KLHL13: variants seen among roughly 807,000 people sequenced by gnomAD.
KLHL13 encodes the protein kelch-like protein 13.
A neutral mutation model predicts 37.1 loss-of-function variants in KLHL13; 10 were observed. The observed-to-expected ratio is 0.27, with a 90% CI of 0.17 to 0.46. The LOEUF (loss-of-function observed/expected upper bound fraction) is 0.46. Among genes scored for constraint, KLHL13 ranks in the 20% least tolerant of loss-of-function variants. The pLI is 1.00. For missense variants in KLHL13, 360 were observed against 509.3 expected, an observed-to-expected ratio of 0.71 and a Z score of 2.82; for synonymous variants, 163 against 181.2, an observed-to-expected ratio of 0.90 and a Z score of 0.81.
chrX:118,110,318 C>A (rs1307007087), intron 1 of KLHL13, among the ~76,000 whole-genome samples: 3 of 109,290 alleles, frequency 2.7e-5, no homozygotes, highest in African/African-American at 1.0e-4. Context: ...TAAGGAAGGT[C>A]AGGAATCATG....
chrX:118,005,761 C>G (rs781394415), intron 1 of KLHL13, among the ~76,000 whole-genome samples: 1 of 111,860 alleles, frequency 8.9e-6, no homozygotes, highest in Non-Finnish European at 1.9e-5. Flanking sequence ...TAATTTTAGG[C>G]CAATGACCGG....
At chrX:117,993,802 T>C (rs1474092366) in intron 1 of KLHL13, among the ~76,000 whole-genome samples, 1 of 108,360 alleles carries the variant, frequency 9.2e-6, no homozygotes, top group Non-Finnish European at 1.9e-5. Context: ...AATGGCATGA[T>C]CTCGGCTCAC....
chrX:117,913,136 T>C (rs1186295205), intron 4 of KLHL13, among the ~76,000 whole-genome samples: 3 of 111,689 alleles, frequency 2.7e-5, no homozygotes, highest in Non-Finnish European at 5.7e-5. Context: ...GATGGAATTA[T>C]AGTAAACAAT....
intron 2 of KLHL13, among the ~76,000 whole-genome samples, chrX:117,925,349 G>A (rs1313070721): frequency 1.8e-5 from 2 of 111,476 alleles, no homozygotes; most frequent in Admixed American, 9.5e-5. Flanking sequence ...GAGAAAAAAC[G>A]AAACACATCC....
chrX:117,907,764 T>C (rs1345579417), intron 5 of KLHL13, among the ~76,000 whole-genome samples: 1 of 110,241 alleles, frequency 9.1e-6, no homozygotes, highest in African/African-American at 3.3e-5. Context: ...CTAGAAAATC[T>C]GGTCTTAGAA....
intron 1 of KLHL13, among the ~76,000 whole-genome samples, chrX:117,960,759 C>T (rs2053282305): frequency 1.8e-5 from 2 of 111,686 alleles, no homozygotes. Context: ...AATGTAGAGT[C>T]CTTTGAAATT....
At chrX:118,024,603 T>C (rs1336945518) in intron 1 of KLHL13, among the ~76,000 whole-genome samples, 4 of 111,635 alleles carry the variant, frequency 3.6e-5, no homozygotes, top group Non-Finnish European at 7.5e-5. Flanking sequence ...TTCTAAAATA[T>C]ATCCAAATAG....
chrX:117,957,354 T>C (rs1367780573), intron 1 of KLHL13, among the ~76,000 whole-genome samples: 1 of 112,150 alleles, frequency 8.9e-6, no homozygotes, highest in African/African-American at 3.2e-5. Context: ...TCCTACACTC[T>C]TGAAGTCAAG....
intron 1 of KLHL13, among the ~76,000 whole-genome samples, chrX:118,060,420 C>G (rs2054729011): frequency 9.0e-6 from 1 of 111,277 alleles, no homozygotes; most frequent in Non-Finnish European, 1.9e-5. Context: ...CTGAAATCCC[C>G]ACAATAAATG....
intron 1 of KLHL13, among the ~76,000 whole-genome samples, chrX:118,104,681 T>C (rs1452984298): frequency 8.9e-6 from 1 of 111,880 alleles, no homozygotes; most frequent in African/African-American, 3.2e-5. Context: ...AGGTCTGTGT[T>C]AGACTGAGCA....
At chrX:117,902,467 A>G (rs1207093209) in intron 5 of KLHL13, among the ~76,000 whole-genome samples, 1 of 111,823 alleles carries the variant, frequency 8.9e-6, no homozygotes, top group Non-Finnish European at 1.9e-5. Context: ...GGACACTGAT[A>G]ATAATTTCTC....
At chrX:118,004,843 GAGA>G in intron 1 of KLHL13, among the ~76,000 whole-genome samples, 1 of 111,586 alleles carries the variant, frequency 9.0e-6, no homozygotes, top group Admixed American at 9.5e-5. Flanking sequence ...AGGATGCAAT[GAGA>G]AGATCATGTC....
exon 1 of KLHL13, chrX:117,973,289 G>C: frequency 1.0e-6 from 1 of 963,724 alleles, no homozygotes; most frequent in African/African-American, 2.1e-5. Flanking sequence ...GGTTTCATAT[G>C]AAAATGAAAC....
rs187415616 is a variant in KLHL13, at chrX:118,107,405, G to A, written c.-56+9103C>T. Among the ~76,000 whole-genome samples the A allele has an allele frequency of 5.0e-3, 559 of 111,514 alleles. 1 individual carries two copies. The highest frequency in any genetic ancestry group is 7.6e-3 in the Admixed American group (80 of 10,468). On this transcript the variant is annotated intron_variant, in intron 1 of 6. Coordinates refer to the KLHL13 transcript ENST00000371882. ...TGCACATTCGAAAAATAGCATTCCA[G>A]CTAGGATTAAGACAATATAAACAAA...
chrX:118,086,636 C>T (rs948272607), intron 1 of KLHL13, among the ~76,000 whole-genome samples: 2 of 111,676 alleles, frequency 1.8e-5, no homozygotes, highest in South Asian at 3.7e-4. Flanking sequence ...ATGTGTATCA[C>T]GTACTTCCAT....
At chrX:118,096,089 T>G (rs1385740728) in intron 1 of KLHL13, among the ~76,000 whole-genome samples, 7 of 111,359 alleles carry the variant, frequency 6.3e-5, no homozygotes, top group Admixed American at 9.6e-5. Flanking sequence ...AGAGCAGAAC[T>G]GAAGGAAATA....
At chrX:117,956,314 T>C (rs2053204819) in intron 1 of KLHL13, among the ~76,000 whole-genome samples, 1 of 111,884 alleles carries the variant, frequency 8.9e-6, no homozygotes, top group African/African-American at 3.2e-5. Context: ...GGGGAGGGGC[T>C]ATTCCAAATT....
At chrX:117,999,997 T>C (rs1273621517) in intron 1 of KLHL13, among the ~76,000 whole-genome samples, 2 of 112,124 alleles carry the variant, frequency 1.8e-5, no homozygotes, top group Admixed American at 9.5e-5. Context: ...ATTATTATTT[T>C]ATATGCTAAT....
chrX:117,948,252 G>A (rs1318221525), intron 1 of KLHL13, among the ~76,000 whole-genome samples: 1 of 111,931 alleles, frequency 8.9e-6, no homozygotes, highest in African/African-American at 3.2e-5. Context: ...GCAATTTCAT[G>A]ATTTAAATAA....
Sources: gnomAD v4.1 joint callset for allele counts (sites outside exome capture counted in the v4.1 genomes callset) on GRCh38, gnomAD v4.1.1 for gene constraint, MANE v1.5 for transcripts, NCBI Gene and HGNC (gene_info 2026-07-23, HGNC 2026-07-21) for gene names.